CTTNBP2: variants seen among roughly 807,000 people sequenced by gnomAD.
CTTNBP2 encodes cortactin-binding protein 2.
CTTNBP2 carries 108 observed loss-of-function variants against 156.9 expected under a neutral mutation model. The observed-to-expected ratio is 0.69, with a 90% CI of 0.59 to 0.81. The LOEUF (loss-of-function observed/expected upper bound fraction) is 0.81. Among genes scored for constraint, CTTNBP2 ranks in the 30% least tolerant of loss-of-function variants. The pLI is 0.00. For missense variants in CTTNBP2, 1,924 were observed against 2,035.4 expected (o/e 0.95, Z 1.05); for synonymous variants, 767 against 751.8 (o/e 1.02, Z -0.33).
intron 22 of CTTNBP2, chr7:117,716,053 G>A (rs1024982554): frequency 3.3e-5 from 5 of 152,156 alleles, no homozygotes; most frequent in African/African-American, 1.2e-4. Context: ...CCAAATAAGT[G>A]TCTTCAGTGG....
rs760156984 is a variant in CTTNBP2, at chr7:117,711,793, CA to C, written c.4747-12del. On this transcript the variant is annotated splice_polypyrimidine_tract_variant and intron_variant, in intron 22 of 22. Transcript: ENST00000160373. Reference sequence around the variant, plus strand: ...GAGAGGACTGACCTCCTGTAAGAGACAAGAAACCACACAAGTTTATCACAAA... The same window carrying C: ...GAGAGGACTGACCTCCTGTAAGAGACAGAAACCACACAAGTTTATCACAAA... 1.2e-6 allele frequency: 2 copies of C among 1,600,398 alleles called. No homozygotes were observed. Among genetic ancestry groups the C allele is most frequent in the South Asian group, 1.1e-5 (1 of 89,166 alleles).
At chr7:117,817,890 CT>C (rs1484630564) in intron 2 of CTTNBP2, among the ~76,000 whole-genome samples, 1 of 152,138 alleles carries the variant, frequency 6.6e-6, no homozygotes, top group Non-Finnish European at 1.5e-5. Flanking sequence ...AATTAACTTG[CT>C]TGCCTAAGGT....
chr7:117,786,008 TGA>T (rs1798685086), intron 4 of CTTNBP2, among the ~76,000 whole-genome samples: 3 of 152,220 alleles, frequency 2.0e-5, no homozygotes, highest in South Asian at 4.1e-4. Flanking sequence ...TCTAAGCATA[TGA>T]GAGTCATATT....
chr7:117,852,148 C>T (rs1051936214), intron 2 of CTTNBP2, among the ~76,000 whole-genome samples: 17 of 151,974 alleles, frequency 1.1e-4, no homozygotes, highest in African/African-American at 3.4e-4. Context: ...AATCTACCCT[C>T]GCAAATTCAC....
Position 117,810,024 on chromosome 7 carries a change from T to C in CTTNBP2, c.414+741A>G, listed in dbSNP as rs142313603. Among the ~76,000 whole-genome samples the C allele has an allele frequency of 1.1e-3, 173 of 152,326 alleles. 3 individuals are homozygous for C. The highest frequency in any genetic ancestry group is 1.9e-4 in the Non-Finnish European group (13 of 68,036). ...GAAGGGCAAAATTTAAATTTCTATT[T>C]ACTTATTTCCTTATTATCACCACAA... On this transcript the variant is annotated intron_variant, in intron 3 of 22. Coordinates refer to ENST00000160373, the MANE Select transcript of CTTNBP2 (RefSeq NM_033427.3).
rs1799017888 is a variant in CTTNBP2 at position 117,791,622 on chromosome 7, C to T, written c.1574G>A (p.Gly525Asp). The change falls in exon 4 of 23, where the codon GGT (glycine) becomes GAT (aspartate). Residue 525 changes from glycine to aspartate, a missense_variant. By Grantham distance (94) the Gly-to-Asp change is moderately conservative. Coordinates refer to ENST00000160373, the MANE Select transcript of CTTNBP2 (RefSeq NM_033427.3). ...ACCATGAGTCTTTAAACTGGTCCGA[C>T]CAACTGGAGGGTGGGTGCCAACATC... Reference protein sequence around the residue: ...TGDVGTHPPVGRTSLKTHGVA... With the variant: ...TGDVGTHPPVDRTSLKTHGVA... 1 of 1,614,138 alleles carries T rather than the reference C, an allele frequency of 6.2e-7. No individual in the cohort carries two copies. Among genetic ancestry groups the T allele is most frequent in the Middle Eastern group, 1.6e-4 (1 of 6,062 alleles).
At chr7:117,734,024 C>T (rs906805599) in intron 16 of CTTNBP2, among the ~76,000 whole-genome samples, 10 of 152,182 alleles carry the variant, frequency 6.6e-5, no homozygotes, top group African/African-American at 2.2e-4. Flanking sequence ...CGCTGCAGCC[C>T]GCTTTCTGCC....
At chr7:117,732,982 A>C (rs1489884793) in intron 16 of CTTNBP2, among the ~76,000 whole-genome samples, 1 of 152,244 alleles carries the variant, frequency 6.6e-6, no homozygotes, top group Admixed American at 6.5e-5. Flanking sequence ...TATGTATTAC[A>C]TAATTAATGA....
chr7:117,834,384 T>C (rs1276805277), intron 2 of CTTNBP2, among the ~76,000 whole-genome samples: 2 of 152,198 alleles, frequency 1.3e-5, no homozygotes, highest in African/African-American at 4.8e-5. Flanking sequence ...TATATTTGAC[T>C]AAGGGTATGT....
At chr7:117,723,824 C>T (rs1794938179) in intron 19 of CTTNBP2, among the ~76,000 whole-genome samples, 1 of 146,850 alleles carries the variant, frequency 6.8e-6, no homozygotes, top group Non-Finnish European at 1.5e-5. Context: ...GTGATCTCGG[C>T]TCACTGCAAC....
Position 117,718,040 on chromosome 7 carries a change from A to AGATT in CTTNBP2, c.4720_4723dup (p.Leu1575GlnfsTer21). On this transcript the variant is annotated frameshift_variant, in exon 22 of 23. Transcript: ENST00000160373. LOFTEE classifies it high-confidence loss of function. Reference sequence around the variant, plus strand: ...TACCTTTTGTGACACTGGCATTCTCAGATTATTAATAGTTGCTGAAAGTAC... The same window carrying AGATT: ...TACCTTTTGTGACACTGGCATTCTCAGATTGATTATTAATAGTTGCTGAAAGTAC... The AGATT allele has an allele frequency of 6.2e-7, 1 of 1,610,270 alleles. No individual in the cohort carries two copies. The highest frequency in any genetic ancestry group is 8.5e-7 in the Non-Finnish European group (1 of 1,176,526).
At chr7:117,715,908 A>G (rs1271022696) in intron 22 of CTTNBP2, 1 of 152,202 alleles carries the variant, frequency 6.6e-6, no homozygotes, top group East Asian at 1.9e-4. Flanking sequence ...TAACCCAGAA[A>G]TACCAGCTGA....
chr7:117,837,660 G>A (rs1329623840), intron 2 of CTTNBP2, among the ~76,000 whole-genome samples: 1 of 152,138 alleles, frequency 6.6e-6, no homozygotes, highest in Non-Finnish European at 1.5e-5. Context: ...CACATAGCCT[G>A]GAGGTAATTT....
chr7:117,794,582 G>A (rs1384433249), intron 3 of CTTNBP2, among the ~76,000 whole-genome samples: 2 of 152,122 alleles, frequency 1.3e-5, no homozygotes, highest in East Asian at 1.9e-4. Flanking sequence ...AAAAATCCAC[G>A]ACTCCTTTCC....
At position 117,777,652 on chromosome 7, in the gene CTTNBP2, G is replaced by A. The variant is rs748194258; in HGVS notation, c.2637C>T (p.Ser879=). Residue 879 remains serine, a synonymous_variant, in exon 8 of 23, where the codon TCC becomes TCT. Transcript: ENST00000160373. ...AHGNSFNEEE[S]ESSVFDLDGG... ...CATCCAAGTCAAAGACACTTGACTC[G>A]GACTCCTCCTCATTGAAAGAATTTC... 14 of 1,613,950 alleles carry A rather than the reference G, an allele frequency of 8.7e-6. No individual in the cohort carries two copies. Among genetic ancestry groups the A allele is most frequent in the Middle Eastern group, 1.6e-4 (1 of 6,062 alleles).
chr7:117,770,008 AG>A (rs1797719193), intron 8 of CTTNBP2, among the ~76,000 whole-genome samples: 2 of 152,328 alleles, frequency 1.3e-5, no homozygotes, highest in Admixed American at 6.5e-5. Context: ...ATGCACACAA[AG>A]TTCTTATATT....
intron 2 of CTTNBP2, among the ~76,000 whole-genome samples, chr7:117,835,002 T>A (rs1296644763): frequency 6.6e-6 from 1 of 152,218 alleles, no homozygotes; most frequent in Non-Finnish European, 1.5e-5. Flanking sequence ...TGCAGCAGTG[T>A]TCCAATTTTC....
chr7:117,746,226 A>G, intron 12 of CTTNBP2, 127 bp from the exon 13 acceptor site: 1 of 660,866 alleles, frequency 1.5e-6, no homozygotes, highest in South Asian at 1.9e-5. Context: ...ACAATATTTT[A>G]GAGATTAGCT....
chr7:117,736,886 T>C (rs186827003), intron 14 of CTTNBP2, among the ~76,000 whole-genome samples: 302 of 152,344 alleles, frequency 2.0e-3, no homozygotes, highest in Non-Finnish European at 3.3e-3. Context: ...TTAGGATACT[T>C]GAGAGTAACA....
Sources: gnomAD v4.1 joint callset for allele counts (sites outside exome capture counted in the v4.1 genomes callset) on GRCh38, gnomAD v4.1.1 for gene constraint, MANE v1.5 for transcripts, NCBI Gene and HGNC (gene_info 2026-07-23, HGNC 2026-07-21) for gene names.